The following GYG1 variants were observed in gnomAD, a reference collection of about 807,000 sequenced individuals.
The protein encoded by GYG1 is glycogenin-1.
Under a neutral mutation model 41.9 loss-of-function variants are expected in GYG1, and 44 were observed. The ratio of observed to expected loss-of-function variants is 1.05; its 90% CI spans 0.83 to 1.35. The LOEUF is 1.35. Among genes scored for constraint, GYG1 ranks in the 40% most tolerant of loss-of-function variants. The pLI is 0.00. For synonymous variants in GYG1, 141 were observed against 158.1 expected, an observed-to-expected ratio of 0.89 and a Z score of 0.81; for missense variants, 429 against 418.9, an observed-to-expected ratio of 1.02 and a Z score of -0.21.
At chr3:149,020,426 C>T (rs572384665) in intron 5 of GYG1, among the ~76,000 whole-genome samples, 3 of 152,362 alleles carry the variant, frequency 2.0e-5, no homozygotes, top group African/African-American at 7.2e-5. Flanking sequence ...AGCCTTGGCT[C>T]TGCAGCCAGA....
intron 4 of GYG1, among the ~76,000 whole-genome samples, chr3:149,003,406 G>A (rs1159678573): frequency 6.6e-6 from 1 of 152,076 alleles, no homozygotes; most frequent in African/African-American, 2.4e-5. Context: ...GTGAGTCACC[G>A]TGCCTGGACT....
chr3:149,024,177 T>A lies in GYG1; in HGVS notation c.733T>A (p.Phe245Ile). ...TGATCCCAACATGACTCATCCAGAG[T>A]TTCTCATCCTGTGGTGGAACATCTT... ...AHDPNMTHPEFLILWWNIFTT... is the reference protein window; with the variant it reads ...AHDPNMTHPEILILWWNIFTT... Residue 245 changes from phenylalanine to isoleucine, a missense_variant, in exon 6 of 8, where the codon TTT becomes ATT. Physicochemically the swap from Phe to Ile is conservative, Grantham distance 21 (BLOSUM62 0). Transcript: ENST00000345003. The A allele has an allele frequency of 1.2e-6, 2 of 1,613,878 alleles. No individual in the cohort carries two copies. The highest frequency in any genetic ancestry group is 2.2e-5 in the South Asian group (2 of 91,070).
At chr3:149,008,984 C>T (rs1367417364) in intron 4 of GYG1, 11 of 331,952 alleles carry the variant, frequency 3.3e-5, no homozygotes. Flanking sequence ...ACGGTGAAAC[C>T]CCATCTCTAC....
At chr3:149,001,885 T>G (rs887587033) in intron 4 of GYG1, among the ~76,000 whole-genome samples, 1 of 152,214 alleles carries the variant, frequency 6.6e-6, no homozygotes. Flanking sequence ...CCCTATTACC[T>G]TGGCTTTATG....
intron 5 of GYG1, among the ~76,000 whole-genome samples, chr3:149,019,804 A>G (rs1377525138): frequency 6.6e-6 from 1 of 152,244 alleles, no homozygotes; most frequent in Non-Finnish European, 1.5e-5. Flanking sequence ...TTCAAGAGGA[A>G]GGCCACAGGC....
chr3:149,015,337 C>T (rs1713961154), intron 5 of GYG1, among the ~76,000 whole-genome samples: 1 of 152,126 alleles, frequency 6.6e-6, no homozygotes, highest in Non-Finnish European at 1.5e-5. Context: ...ATAAATGATA[C>T]TTATAGTCAC....
intron 5 of GYG1, among the ~76,000 whole-genome samples, chr3:149,013,114 A>G (rs1011549239): frequency 6.6e-6 from 1 of 152,012 alleles, no homozygotes; most frequent in African/African-American, 2.4e-5. Flanking sequence ...CAGCCTCCCA[A>G]AGTGCTGGGA....
intron 5 of GYG1, among the ~76,000 whole-genome samples, chr3:149,016,277 C>A (rs113270123): frequency 0.068 from 6,647 of 98,232 alleles, 191 homozygotes; most frequent in African/African-American, 0.096. Flanking sequence ...AAAAAAAAAA[C>A]AAAAAAGAAA....
chr3:149,009,195 A>AAAGGTCCAGTTATGTG (rs1209497411), intron 4 of GYG1, 81 bp from the exon 5 acceptor site: 2 of 1,070,468 alleles, frequency 1.9e-6, no homozygotes, highest in Non-Finnish European at 2.8e-6. Flanking sequence ...GTCTATTTTT[A>AAAGGTCCAGTTATGTG]AAGGTCCAGT....
chr3:149,021,058 T>C (rs1363539360), intron 5 of GYG1, among the ~76,000 whole-genome samples: 1 of 152,216 alleles, frequency 6.6e-6, no homozygotes, highest in Admixed American at 6.5e-5. Context: ...TCTGACTCTT[T>C]CCCATGCATT....
chr3:148,994,527 A>G (rs200233466), intron 2 of GYG1, among the ~76,000 whole-genome samples: 71 of 148,806 alleles, frequency 4.8e-4, no homozygotes, highest in African/African-American at 1.7e-3. Flanking sequence ...AGGAGGGGAA[A>G]GAAGGAGTCG....
At chr3:149,010,327 C>CTTT (rs11480779) in intron 5 of GYG1, among the ~76,000 whole-genome samples, 21 of 129,442 alleles carry the variant, frequency 1.6e-4, no homozygotes, top group African/African-American at 5.3e-4. Flanking sequence ...TGGTGCAGTT[C>CTTT]TTTTTTTTTT....
intron 5 of GYG1, among the ~76,000 whole-genome samples, chr3:149,009,902 C>G (rs923681023): frequency 6.6e-6 from 1 of 152,212 alleles, no homozygotes; most frequent in Non-Finnish European, 1.5e-5. Flanking sequence ...GACCTCACTT[C>G]ACATCCTGCA....
intron 5 of GYG1, among the ~76,000 whole-genome samples, chr3:149,010,806 G>A (rs184584023): frequency 1.1e-3 from 162 of 152,314 alleles, no homozygotes; most frequent in African/African-American, 3.6e-3. Context: ...GTTGTGAGCA[G>A]CACAGCCCTT....
At chr3:149,010,292 G>A (rs1304879800) in intron 5 of GYG1, among the ~76,000 whole-genome samples, 3 of 151,298 alleles carry the variant, frequency 2.0e-5, no homozygotes, top group Admixed American at 1.3e-4. Flanking sequence ...TTTTGGTAAC[G>A]TGCTTGTTTA....
rs141402176 is a variant in GYG1 at position 148,995,001 on chromosome 3, C to T, written c.143+724C>T. Among the ~76,000 whole-genome samples, 14 of 152,148 alleles carry T rather than the reference C, an allele frequency of 9.2e-5. No individual in the cohort carries two copies. The East Asian group carries it at 2.5e-3, about 27-fold the overall frequency. On this transcript the variant is annotated intron_variant, in intron 2 of 7. Coordinates refer to ENST00000345003, the MANE Select transcript of GYG1 (RefSeq NM_004130.4). ...TTCCAGACCAGCCTGGCCAACATGG[C>T]GAAACCCGTCTCTACTAAAAATACA...
intron 4 of GYG1, among the ~76,000 whole-genome samples, chr3:149,002,846 C>A (rs1193933098): frequency 6.6e-6 from 1 of 152,084 alleles, no homozygotes. Context: ...AATGGTTAAA[C>A]CCCATCTCTA....
rs1714678366 is a variant in GYG1, at chr3:149,026,828, A to G, written c.948A>G (p.Val316=). 1 of 1,613,850 alleles carries G rather than the reference A, an allele frequency of 6.2e-7. No individual in the cohort carries two copies. The highest frequency in any genetic ancestry group is 1.3e-5 in the African/African-American group (1 of 74,916). ...GEIPAMAQPF[V]SSEERKERWE... ...TCCCAGCTATGGCACAGCCGTTTGTATCCTCGGAAGAACGGAAGGAACGAT... is the reference window on the plus strand; with the variant it reads ...TCCCAGCTATGGCACAGCCGTTTGTGTCCTCGGAAGAACGGAAGGAACGAT... The change falls in exon 8 of 8, where the codon GTA becomes GTG. Residue 316 remains valine (V), a synonymous_variant. Transcript: ENST00000345003.
Position 149,005,420 on chromosome 3 carries a change from TATA to T in GYG1, c.482-3853_482-3851del, listed in dbSNP as rs572054062. On this transcript the variant is annotated intron_variant, in intron 4 of 7. Coordinates refer to ENST00000345003, the MANE Select transcript of GYG1 (RefSeq NM_004130.4). ...GTTAATTAATGTTTATGTTCTTAGT[TATA>T]ATCACAATGTATGTAGCTGTATATA... Among the ~76,000 whole-genome samples the T allele has an allele frequency of 4.7e-3, 713 of 152,322 alleles. 8 individuals carry two copies. The highest frequency in any genetic ancestry group is 3.9e-3 in the Non-Finnish European group (267 of 68,022).
Sources: gnomAD v4.1 joint callset for allele counts (sites outside exome capture counted in the v4.1 genomes callset) on GRCh38, gnomAD v4.1.1 for gene constraint, MANE v1.5 for transcripts, NCBI Gene and HGNC (gene_info 2026-07-23, HGNC 2026-07-21) for gene names.